Variants in CAMK1 observed in about 807,000 individuals in gnomAD.
CAMK1 encodes the protein calcium/calmodulin dependent protein kinase I.
A neutral mutation model predicts 49.1 loss-of-function variants in CAMK1; 39 were observed. The ratio of observed to expected loss-of-function variants is 0.79; its 90% CI spans 0.62 to 1.04. The LOEUF is 1.04. CAMK1 is among the 50% of genes least tolerant of loss of function. The pLI is 0.00. For missense variants in CAMK1, 457 were observed against 472.2 expected, an observed-to-expected ratio of 0.97 and a Z score of 0.30; for synonymous variants, 192 against 185.2, an observed-to-expected ratio of 1.04 and a Z score of -0.30.
intron 2 of CAMK1, chr3:9,766,718 A>G (rs2078164426): frequency 1.3e-6 from 1 of 776,470 alleles, no homozygotes; most frequent in South Asian, 4.2e-5. Context: ...TGGGAGAATA[A>G]GAAGTCATAA....
rs1559695157 is a variant in CAMK1, at chr3:9,759,735, CG to C, written c.760del (p.Arg254GlyfsTer3). ...DISDSAKDFI[R>X]HLMEKDPEKR... ...CTCTGGGTCCTTCTCCATCAAGTGC[CG>C]GATGAAATCTTTGGCTAAACCCCCA... On this transcript the variant is annotated frameshift_variant, in exon 9 of 12. Transcript: ENST00000256460. LOFTEE classifies it high-confidence loss of function. The C allele has an allele frequency of 6.2e-7, 1 of 1,614,100 alleles. No homozygotes were observed.
chr3:9,763,861 C>T (rs1003523126), intron 3 of CAMK1, among the ~76,000 whole-genome samples: 25 of 152,168 alleles, frequency 1.6e-4, no homozygotes, highest in Admixed American at 8.5e-4. Flanking sequence ...TGGCACATGC[C>T]TGTAATCCCA....
intron 1 of CAMK1, among the ~76,000 whole-genome samples, chr3:9,769,566 A>G (rs1352404802): frequency 6.6e-6 from 1 of 152,062 alleles, no homozygotes; most frequent in East Asian, 1.9e-4. Context: ...GATACCTCCA[A>G]ATGCCCACGC....
At chr3:9,761,961 C>A in intron 5 of CAMK1, 1 of 652,460 alleles carries the variant, frequency 1.5e-6, no homozygotes, top group Non-Finnish European at 2.5e-6. Context: ...TGGGGGGGAA[C>A]TGTCTCTAAA....
chr3:9,764,087 C>T (rs1288575210), intron 3 of CAMK1, among the ~76,000 whole-genome samples: 1 of 152,206 alleles, frequency 6.6e-6, no homozygotes, highest in African/African-American at 2.4e-5. Context: ...TTGCTTGCCA[C>T]TGTTCCTCCA....
Position 9,763,207 on chromosome 3 carries a change from C to T in CAMK1, c.222G>A (p.Lys74=). The part of the protein sequence containing the change: ...ENEIAVLHKI[K]HPNIVALDDI... ...CATCCAGGGCTACAATGTTGGGGTGCTTGATCCTGAAAGGAGAAATGAGGT... is the reference window on the plus strand; with the variant it reads ...CATCCAGGGCTACAATGTTGGGGTGTTTGATCCTGAAAGGAGAAATGAGGT... The change falls in exon 4 of 12, where the codon AAG becomes AAA. Residue 74 remains lysine (K), a synonymous_variant. Transcript: ENST00000256460. The T allele has an allele frequency of 6.2e-7, 1 of 1,613,802 alleles. No homozygotes were observed. The highest frequency in any genetic ancestry group is 8.5e-7 in the Non-Finnish European group (1 of 1,179,996).
chr3:9,761,461 A>C lies in CAMK1; in HGVS notation c.632T>G (p.Leu211Trp). 2 of 1,609,648 alleles carry C rather than the reference A, an allele frequency of 1.2e-6. No homozygotes were observed. The highest frequency in any genetic ancestry group is 1.7e-6 in the Non-Finnish European group (2 of 1,177,434). ...CCTACCATGGCCAAGCCCCACTTAC[A>C]AGATGTAGGCGATGACACCTATGGA... ...CWSIGVIAYI[L>W]LCGYPPFYDE... The change falls in exon 7 of 12, where the codon TTG becomes TGG. Residue 211 changes from leucine (L) to tryptophan (W), a missense_variant and splice_region_variant. Transcript: ENST00000256460.
rs377660006 is a variant in CAMK1, at chr3:9,759,082, A to G, written c.912+406T>C. 25 of 938,442 alleles carry G rather than the reference A, an allele frequency of 2.7e-5. No individual in the cohort carries two copies. The East Asian group carries it at 2.9e-4, about 11-fold the overall frequency. The allele number at this position is 938,442 out of a possible 1,614,324, so 58.1% of individuals were successfully genotyped here. On this transcript the variant is annotated intron_variant, in intron 10 of 11. Coordinates refer to ENST00000256460, the MANE Select transcript of CAMK1 (RefSeq NM_003656.5). ...TCTCTAAATTGGGCTCCTGCCTCTC[A>G]GTCCCCTCAGCCCCTCCAGTCTGGC...
intron 1 of CAMK1, 62 bp from the exon 2 acceptor site, chr3:9,767,843 G>A (rs1575266295): frequency 1.9e-6 from 3 of 1,551,842 alleles, no homozygotes; most frequent in Admixed American, 1.8e-5. Flanking sequence ...GGAATTTACT[G>A]CAGGCCCCAT....
chr3:9,761,677 GTCC>G lies in CAMK1; in HGVS notation c.507_509del (p.Glu169del). 1 of 1,614,120 alleles carries G rather than the reference GTCC, an allele frequency of 6.2e-7. No individual in the cohort carries two copies. The highest frequency in any genetic ancestry group is 8.5e-7 in the Non-Finnish European group (1 of 1,180,018). On this transcript the variant is annotated inframe_deletion, in exon 6 of 12. Transcript: ENST00000256460. ...AGGCGGTGGAGAGCACACTGCCCGG[GTCC>G]TCCATCTTGGAGAGGCCAAAGTCGG...
In CAMK1 at chr3:9,763,168, A is replaced by C. The variant is rs2125583636; in HGVS notation, c.261T>G (p.Ser87Arg). Residue 87 changes from serine to arginine, a missense_variant, in exon 4 of 12, where the codon AGT (serine) becomes AGG (arginine). Transcript: ENST00000256460. ...NIVALDDIYE[S>R]GGHLYLIMQL... Reference sequence around the variant, plus strand: ...GCATGATGAGGTAGAGGTGGCCCCCACTCTCATAGATGTCATCCAGGGCTA... The same window carrying C: ...GCATGATGAGGTAGAGGTGGCCCCCCCTCTCATAGATGTCATCCAGGGCTA... The C allele has an allele frequency of 6.2e-7, 1 of 1,613,924 alleles. No homozygotes were observed. The highest frequency in any genetic ancestry group is 2.2e-5 in the East Asian group (1 of 44,872).
At chr3:9,765,957 T>C in intron 2 of CAMK1, 67 bp from the exon 3 acceptor site, 3 of 1,614,104 alleles carry the variant, frequency 1.9e-6, no homozygotes, top group South Asian at 1.1e-5. Context: ...CTCTCCTCCA[T>C]TCCCTATGGG....
At chr3:9,764,341 G>A (rs2078036129) in intron 3 of CAMK1, among the ~76,000 whole-genome samples, 1 of 152,194 alleles carries the variant, frequency 6.6e-6, no homozygotes, top group African/African-American at 2.4e-5. Flanking sequence ...TGTTGCTCAG[G>A]CTGGAGTGTT....
At chr3:9,761,000 C>G in intron 7 of CAMK1, 1 of 522,474 alleles carries the variant, frequency 1.9e-6, no homozygotes, top group Non-Finnish European at 3.4e-6. Context: ...TTGCTTCTGC[C>G]TATGCCACTC....
chr3:9,760,411 G>A (rs1010118236), intron 8 of CAMK1: 4 of 444,434 alleles, frequency 9.0e-6, no homozygotes, highest in African/African-American at 4.0e-5. Context: ...TAGGGGAGAG[G>A]TATTTTCAAA....
intron 2 of CAMK1, chr3:9,766,320 T>C: frequency 1.4e-6 from 1 of 693,628 alleles, no homozygotes; most frequent in South Asian, 1.5e-5. Context: ...GCCTGAGGTC[T>C]ACCCCTGGGC....
intron 2 of CAMK1, 94 bp downstream of exon 2, chr3:9,767,573 G>C: frequency 2.6e-6 from 4 of 1,528,508 alleles, no homozygotes; most frequent in Non-Finnish European, 2.7e-6. Flanking sequence ...GGCCTGGGCT[G>C]TGGGAAACAG....
chr3:9,766,047 A>T (rs764926704), intron 2 of CAMK1, 157 bp from the exon 3 acceptor site: 5 of 1,600,712 alleles, frequency 3.1e-6, no homozygotes, highest in Non-Finnish European at 4.3e-6. Context: ...AGAGATGGTC[A>T]CATGACCCAG....
rs768987307 is a variant in CAMK1 at position 9,759,530 on chromosome 3, C to T, written c.870G>A (p.Val290=). Residue 290 remains valine (V), a synonymous_variant, in exon 10 of 12, where the codon GTG becomes GTA. Coordinates refer to ENST00000256460, the MANE Select transcript of CAMK1 (RefSeq NM_003656.5). ...TALDKNIHQS[V]SEQIKKNFAK... ...CAAAGTTCTTCTTGATCTGCTCACT[C>T]ACCGACTGGTGGATATTCTTATCTA... 22 of 1,614,070 alleles carry T rather than the reference C, an allele frequency of 1.4e-5. No homozygotes were observed. In the South Asian group the frequency reaches 2.3e-4, roughly 17 times the overall value.
Sources: gnomAD v4.1 joint callset for allele counts (sites outside exome capture counted in the v4.1 genomes callset) on GRCh38, gnomAD v4.1.1 for gene constraint, MANE v1.5 for transcripts, NCBI Gene and HGNC (gene_info 2026-07-23, HGNC 2026-07-21) for gene names.